DPCD: variants seen among roughly 807,000 people sequenced by gnomAD.
The protein encoded by DPCD is protein DPCD.
A neutral mutation model predicts 26.4 loss-of-function variants in DPCD; 20 were observed. That is an observed-to-expected ratio of 0.76 (90% CI 0.53 to 1.10). The LOEUF (loss-of-function observed/expected upper bound fraction) is 1.10. DPCD is among the 50% of genes least tolerant of loss of function. The pLI, the probability that DPCD is intolerant of heterozygous loss-of-function variation, is 0.00. For synonymous variants in DPCD, 97 were observed against 94.2 expected (o/e 1.03, Z -0.17); for missense variants, 202 against 253.9 (o/e 0.80, Z 1.39).
chr10:101,607,118 C>G (rs1251926593), intron 4 of DPCD, among the ~76,000 whole-genome samples: 3 of 152,212 alleles, frequency 2.0e-5, no homozygotes. Flanking sequence ...CTGCCCCAGC[C>G]TGGGGGAATG....
chr10:101,604,160 C>T (rs58103920), intron 4 of DPCD, among the ~76,000 whole-genome samples: 2,195 of 152,362 alleles, frequency 0.014, 24 homozygotes, highest in African/African-American at 0.024. Context: ...GGATATAGTA[C>T]ATTTAAAATC....
At chr10:101,592,639 G>C (rs185301897) in intron 1 of DPCD, among the ~76,000 whole-genome samples, 1 of 151,718 alleles carries the variant, frequency 6.6e-6, no homozygotes, top group Non-Finnish European at 1.5e-5. Flanking sequence ...AGGATCACTT[G>C]AGCCCAGGAG....
intron 4 of DPCD, among the ~76,000 whole-genome samples, chr10:101,604,113 C>T (rs1252450216): frequency 1.3e-5 from 2 of 152,222 alleles, no homozygotes; most frequent in Non-Finnish European, 2.9e-5. Context: ...GCCAAAAACT[C>T]AATGGCTACT....
chr10:101,605,145 C>T, intron 4 of DPCD: 1 of 1,550,538 alleles, frequency 6.4e-7, no homozygotes, highest in Non-Finnish European at 8.7e-7. Flanking sequence ...TAAAGGCGGA[C>T]TGGTTGGAGG....
At chr10:101,602,979 C>T (rs995669119) in intron 4 of DPCD, among the ~76,000 whole-genome samples, 1 of 152,252 alleles carries the variant, frequency 6.6e-6, no homozygotes, top group East Asian at 1.9e-4. Flanking sequence ...CGCTGTTGGC[C>T]AGGAGCTCCA....
At chr10:101,596,885 C>T (rs2063655581) in intron 2 of DPCD, among the ~76,000 whole-genome samples, 1 of 152,154 alleles carries the variant, frequency 6.6e-6, no homozygotes, top group Non-Finnish European at 1.5e-5. Context: ...AACCAGTTTT[C>T]TGTTAGAAAA....
At chr10:101,607,518 G>A (rs2134783226) in intron 4 of DPCD, among the ~76,000 whole-genome samples, 1 of 152,326 alleles carries the variant, frequency 6.6e-6, no homozygotes, top group East Asian at 1.9e-4. Context: ...GGGGAGTGGG[G>A]AACCTGGGAG....
chr10:101,591,215 C>A (rs1043502128), intron 1 of DPCD, among the ~76,000 whole-genome samples: 7 of 152,166 alleles, frequency 4.6e-5, no homozygotes, highest in African/African-American at 1.7e-4. Flanking sequence ...TTTATTTATT[C>A]ATCTGTTGAT....
chr10:101,595,675 T>C (rs1035440069), intron 2 of DPCD, among the ~76,000 whole-genome samples: 1 of 152,160 alleles, frequency 6.6e-6, no homozygotes, highest in Non-Finnish European at 1.5e-5. Context: ...TCTTAAAATG[T>C]TTGTCCTGCG....
chr10:101,601,370 G>T, intron 4 of DPCD, 34 bp downstream of exon 4: 1 of 1,606,568 alleles, frequency 6.2e-7, no homozygotes, highest in Non-Finnish European at 8.5e-7. Flanking sequence ...GTGTGCTTGT[G>T]TATGAGCGGG....
intron 1 of DPCD, 76 bp from the exon 2 acceptor site, chr10:101,594,582 C>T: frequency 4.7e-6 from 7 of 1,477,880 alleles, no homozygotes; most frequent in Non-Finnish European, 6.6e-6. Flanking sequence ...CACTGTTTCC[C>T]AGGTAGGCCC....
chr10:101,608,345 A>G (rs1361660706), intron 4 of DPCD, among the ~76,000 whole-genome samples: 1 of 152,226 alleles, frequency 6.6e-6, no homozygotes, highest in Admixed American at 6.5e-5. Context: ...CAAAAGAGGA[A>G]GAGGTAGTTG....
intron 2 of DPCD, among the ~76,000 whole-genome samples, chr10:101,596,065 C>G (rs1438292379): frequency 3.3e-5 from 5 of 152,180 alleles, no homozygotes; most frequent in Non-Finnish European, 7.4e-5. Context: ...ACAAATAAAA[C>G]CCAGGCCTCT....
In DPCD at chr10:101,608,922, C is replaced by T. The variant is rs373385453; in HGVS notation, c.492C>T (p.Cys164=). Reference sequence around the variant, plus strand: ...TGCTGAGCTTTGCCCACGCCAACTGCACCCTGATCATCTCTGTAAGATTCA... The same window carrying T: ...TGCTGAGCTTTGCCCACGCCAACTGTACCCTGATCATCTCTGTAAGATTCA... ...DALLSFAHAN[C]TLIISYQKPK... The change falls in exon 5 of 6, where the codon TGC becomes TGT. Residue 164 remains cysteine, a synonymous_variant. Coordinates refer to ENST00000370151, the MANE Select transcript of DPCD (RefSeq NM_015448.3). 27 of 1,612,902 alleles carry T rather than the reference C, an allele frequency of 1.7e-5. No individual in the cohort carries two copies. The highest frequency in any genetic ancestry group is 2.0e-5 in the Non-Finnish European group (24 of 1,179,328).
At chr10:101,594,312 A>T (rs964285241) in intron 1 of DPCD, among the ~76,000 whole-genome samples, 3 of 152,244 alleles carry the variant, frequency 2.0e-5, no homozygotes, top group African/African-American at 7.2e-5. Flanking sequence ...AATCCTACCA[A>T]AGTGGCTGGA....
chr10:101,590,678 A>G (rs534785709), intron 1 of DPCD, among the ~76,000 whole-genome samples: 1 of 149,638 alleles, frequency 6.7e-6, no homozygotes, highest in Non-Finnish European at 1.5e-5. Context: ...TCCTAGGCTC[A>G]TGTAGTCCTC....
At position 101,609,608 on chromosome 10, in the gene DPCD, C is replaced by A; in HGVS notation, c.*137C>A. 1.5e-6 allele frequency: 1 copy of A among 670,964 alleles called. No individual in the cohort carries two copies. The highest frequency in any genetic ancestry group is 1.9e-5 in the South Asian group (1 of 52,014). The allele number at this position is 670,964 out of a possible 1,614,324, so 41.6% of individuals were successfully genotyped here. On this transcript the variant is annotated 3_prime_UTR_variant, in exon 6 of 6. Coordinates refer to ENST00000370151, the MANE Select transcript of DPCD (RefSeq NM_015448.3). ...AGAACTGGGCATGGGGCACTCCTAG[C>A]CAGTGAGTCATGGTCATATTTCCTG...
intron 2 of DPCD, among the ~76,000 whole-genome samples, chr10:101,599,393 C>T (rs964877673): frequency 5.9e-5 from 9 of 152,140 alleles, no homozygotes; most frequent in Non-Finnish European, 1.2e-4. Flanking sequence ...AAAAAAGTTG[C>T]CTATAAAGCA....
At chr10:101,591,000 T>C (rs2063603152) in intron 1 of DPCD, among the ~76,000 whole-genome samples, 2 of 152,218 alleles carry the variant, frequency 1.3e-5, no homozygotes, top group South Asian at 2.1e-4. Flanking sequence ...TTGGCCCCTT[T>C]ACTTGTTTGG....
Sources: allele counts gnomAD v4.1 joint callset (sites outside exome capture counted in the v4.1 genomes callset), GRCh38; gene constraint gnomAD v4.1.1; transcripts MANE v1.5; gene names NCBI Gene and HGNC (gene_info 2026-07-23, HGNC 2026-07-21).